ADCY1: variants seen among roughly 807,000 people sequenced by gnomAD.
The protein encoded by ADCY1 is adenylate cyclase type 1.
In ADCY1, 28 loss-of-function variants were observed where a neutral mutation model predicts 105.4. The observed-to-expected ratio is 0.27, with a 90% CI of 0.20 to 0.36. ADCY1 has a LOEUF of 0.36. Ranked by LOEUF, ADCY1 falls within the 10% of genes least tolerant of loss-of-function variation. The pLI, the probability that ADCY1 is intolerant of heterozygous loss-of-function variation, is 1.00. For synonymous variants in ADCY1, 655 were observed against 623.8 expected, an observed-to-expected ratio of 1.05 and a Z score of -0.75; for missense variants, 977 against 1,434.2, an observed-to-expected ratio of 0.68 and a Z score of 5.15.
At chr7:45,673,930 C>T (rs2116169698) in intron 8 of ADCY1, among the ~76,000 whole-genome samples, 1 of 130,278 alleles carries the variant, frequency 7.7e-6, no homozygotes, top group African/African-American at 2.7e-5. Flanking sequence ...TTAGCTGCAT[C>T]CCGTAGATTT....
In ADCY1 at chr7:45,708,349, G is replaced by C; in HGVS notation, c.2818-1G>C. On this transcript the variant is annotated splice_acceptor_variant, in intron 17 of 19. Transcript: ENST00000297323. LOFTEE classifies it high-confidence loss of function. The surrounding 1 kb of genome is among the most constrained non-coding windows in gnomAD (Gnocchi z 4.7). ...TAATGACCCCATCTGTTTACACCTAGGCTAAGAAGTCCATCTCCTCCCACC... is the reference window on the plus strand; with the variant it reads ...TAATGACCCCATCTGTTTACACCTACGCTAAGAAGTCCATCTCCTCCCACC... 2 of 1,612,942 alleles carry C rather than the reference G, an allele frequency of 1.2e-6. No homozygotes were observed. The highest frequency in any genetic ancestry group is 1.7e-6 in the Non-Finnish European group (2 of 1,178,874).
intron 11 of ADCY1, among the ~76,000 whole-genome samples, chr7:45,684,208 C>T (rs1359247546): frequency 6.6e-6 from 1 of 152,228 alleles, no homozygotes; most frequent in Non-Finnish European, 1.5e-5. Flanking sequence ...CATAACCCAC[C>T]AGCTGGGTAA....
Position 45,610,477 on chromosome 7 carries a change from C to T in ADCY1, c.888C>T (p.Ile296=). 4 of 1,613,864 alleles carry T rather than the reference C, an allele frequency of 2.5e-6. No homozygotes were observed. Among genetic ancestry groups the T allele is most frequent in the Non-Finnish European group, 2.5e-6 (3 of 1,179,900 alleles). Reference sequence around the variant, plus strand: ...AGAGGATTTTCCACAAGATTTACATCCAGAGGCACGACAATGTGAGGTAGG... The same window carrying T: ...AGAGGATTTTCCACAAGATTTACATTCAGAGGCACGACAATGTGAGGTAGG... ...PPERIFHKIY[I]QRHDNVSILF... The change falls in exon 3 of 20, where the codon ATC becomes ATT. Residue 296 remains isoleucine, a synonymous_variant. Coordinates refer to ENST00000297323, the MANE Select transcript of ADCY1 (RefSeq NM_021116.4).
intron 14 of ADCY1, among the ~76,000 whole-genome samples, chr7:45,689,587 T>C (rs535519250): frequency 6.6e-6 from 1 of 152,244 alleles, no homozygotes; most frequent in East Asian, 1.9e-4. Flanking sequence ...AGCCATGAGG[T>C]ATCCACCTGC....
At chr7:45,655,615 G>T (rs1165442801) in intron 5 of ADCY1, among the ~76,000 whole-genome samples, 1 of 152,226 alleles carries the variant, frequency 6.6e-6, no homozygotes, top group Admixed American at 6.5e-5. Context: ...ATGTTACCAA[G>T]AATTGAGATC....
chr7:45,614,170 TAAG>T (rs1793669110), intron 3 of ADCY1, among the ~76,000 whole-genome samples: 1 of 152,230 alleles, frequency 6.6e-6, no homozygotes, highest in South Asian at 2.1e-4. Flanking sequence ...GCATAAAAGT[TAAG>T]AAAACAAAAG....
intron 2 of ADCY1, among the ~76,000 whole-genome samples, chr7:45,604,747 A>AG (rs1793329927): frequency 6.6e-6 from 1 of 152,208 alleles, no homozygotes; most frequent in Non-Finnish European, 1.5e-5. Flanking sequence ...CCTTGAAATC[A>AG]GGTAAAGTGA....
chr7:45,674,607 C>T (rs576956889), intron 8 of ADCY1, among the ~76,000 whole-genome samples: 97 of 152,266 alleles, frequency 6.4e-4, no homozygotes, highest in Non-Finnish European at 8.8e-4. Flanking sequence ...CTCCTGACTT[C>T]GTGATCCACC....
chr7:45,708,813 G>A lies in ADCY1; in HGVS notation c.2932+349G>A, dbSNP rs1785170658. Among the ~76,000 whole-genome samples the A allele has an allele frequency of 4.6e-5, 7 of 152,220 alleles. No homozygotes were observed. The highest frequency in any genetic ancestry group is 4.6e-4 in the Admixed American group (7 of 15,292). Reference sequence around the variant, plus strand: ...CACGGCTACATAGTTGAGGCCACATGGGCTGTCCAGAAGGAGGCCTTGACG... The same window carrying A: ...CACGGCTACATAGTTGAGGCCACATAGGCTGTCCAGAAGGAGGCCTTGACG... On this transcript the variant is annotated intron_variant, in intron 18 of 19. Coordinates refer to ENST00000297323, the MANE Select transcript of ADCY1 (RefSeq NM_021116.4). This position sits in a 1 kb window ranked among gnomAD's most constrained non-coding sequence, Gnocchi z 4.7.
chr7:45,629,808 C>T (rs567011861), intron 4 of ADCY1, among the ~76,000 whole-genome samples: 9 of 152,054 alleles, frequency 5.9e-5, no homozygotes, highest in South Asian at 2.1e-4. Context: ...CGTGAGCCAC[C>T]GCGCCCGGCC....
At chr7:45,612,705 AAG>A (rs1474628191) in intron 3 of ADCY1, among the ~76,000 whole-genome samples, 1 of 152,180 alleles carries the variant, frequency 6.6e-6, no homozygotes, top group Admixed American at 6.5e-5. Context: ...TGGGGAGAGA[AAG>A]AGTCAGTGTG....
In ADCY1 at chr7:45,635,160, A is replaced by T. The variant is rs562217455; in HGVS notation, c.1020+12417A>T. Reference sequence around the variant, plus strand: ...TCAGTTTTTTTTTTTTCCTTAAATAAGCTTGGTGGTAGTTCTTCATAGTAT... The same window carrying T: ...TCAGTTTTTTTTTTTTCCTTAAATATGCTTGGTGGTAGTTCTTCATAGTAT... On this transcript the variant is annotated intron_variant, in intron 4 of 19. Coordinates refer to ENST00000297323, the MANE Select transcript of ADCY1 (RefSeq NM_021116.4). Among the ~76,000 whole-genome samples, 3 of 151,206 alleles carry T rather than the reference A, an allele frequency of 2.0e-5. No individual in the cohort carries two copies. In the East Asian group the frequency reaches 5.8e-4, roughly 29 times the overall value.
intron 8 of ADCY1, among the ~76,000 whole-genome samples, chr7:45,665,671 A>G (rs925453195): frequency 6.6e-6 from 1 of 152,224 alleles, no homozygotes; most frequent in African/African-American, 2.4e-5. Context: ...TGTGCACCAG[A>G]GGTTAATGCA....
intron 4 of ADCY1, among the ~76,000 whole-genome samples, chr7:45,624,957 G>T (rs1196028373): frequency 2.0e-5 from 3 of 152,248 alleles, no homozygotes; most frequent in African/African-American, 7.2e-5. Flanking sequence ...CGTTGGGTCA[G>T]CCCAGGCCCT....
rs1785472159 is a variant in ADCY1 at position 45,721,567 on chromosome 7, CTG to C, written c.*7575_*7576del. The C allele has an allele frequency of 1.8e-5, 7 of 397,802 alleles. No homozygotes were observed. In the Middle Eastern group the frequency reaches 1.9e-3, roughly 107 times the overall value. The allele number at this position is 397,802 out of a possible 1,614,324, so 24.6% of individuals were successfully genotyped here. On this transcript the variant is annotated 3_prime_UTR_variant, in exon 20 of 20. Coordinates refer to ENST00000297323, the MANE Select transcript of ADCY1 (RefSeq NM_021116.4). ...CCTGCTCAGCTTCTGCTCAGGAGTTCTGTGAGCTATGGGAAGGCCATTGGTTG... is the reference window on the plus strand; with the variant it reads ...CCTGCTCAGCTTCTGCTCAGGAGTTCTGAGCTATGGGAAGGCCATTGGTTG...
intron 8 of ADCY1, among the ~76,000 whole-genome samples, chr7:45,666,072 T>A (rs976813235): frequency 3.3e-5 from 5 of 152,198 alleles, no homozygotes; most frequent in Admixed American, 6.5e-5. Flanking sequence ...TGGAGTCAGC[T>A]CTGTGTTTTA....
At chr7:45,672,112 T>A (rs1201527178) in intron 8 of ADCY1, among the ~76,000 whole-genome samples, 1 of 152,234 alleles carries the variant, frequency 6.6e-6, no homozygotes, top group Non-Finnish European at 1.5e-5. Context: ...GTTCATTTTT[T>A]AATAAGGTGT....
At chr7:45,706,188 C>T (rs893591891) in intron 17 of ADCY1, among the ~76,000 whole-genome samples, 2 of 152,048 alleles carry the variant, frequency 1.3e-5, no homozygotes, top group Admixed American at 6.6e-5. Context: ...GTGTCGTTGA[C>T]AAAATGATCC....
intron 2 of ADCY1, among the ~76,000 whole-genome samples, chr7:45,595,527 T>C (rs1793049127): frequency 6.6e-6 from 1 of 152,228 alleles, no homozygotes; most frequent in Non-Finnish European, 1.5e-5. Context: ...TCTGTATTTC[T>C]TTGTGATTAG....
Sources: gnomAD v4.1 joint callset for allele counts (sites outside exome capture counted in the v4.1 genomes callset) on GRCh38, gnomAD v4.1.1 for gene constraint, Gnocchi (gnomAD v3.1) non-coding constraint, MANE v1.5 for transcripts, NCBI Gene and HGNC (gene_info 2026-07-23, HGNC 2026-07-21) for gene names.